KCNB2: variants seen among roughly 807,000 people sequenced by gnomAD.
KCNB2 encodes the protein potassium voltage-gated channel subfamily B member 2.
A neutral mutation model predicts 61.5 loss-of-function variants in KCNB2; 15 were observed. The ratio of observed to expected loss-of-function variants is 0.24; its 90% CI spans 0.16 to 0.38. The LOEUF (loss-of-function observed/expected upper bound fraction) is 0.38, where lower values mean the gene tolerates loss of function less well. KCNB2 is among the 10% of genes least tolerant of loss of function. The pLI is 1.00. For missense variants in KCNB2, 828 were observed against 1,125.2 expected, an observed-to-expected ratio of 0.74 and a Z score of 3.78; for synonymous variants, 457 against 446.0, an observed-to-expected ratio of 1.02 and a Z score of -0.31.
chr8:72,682,035 G>A (rs1376922880), intron 2 of KCNB2, among the ~76,000 whole-genome samples: 1 of 152,188 alleles, frequency 6.6e-6, no homozygotes, highest in Non-Finnish European at 1.5e-5. Flanking sequence ...TTCACAGACT[G>A]TAACAAGAAG....
chr8:72,596,997 CTTGCTTTTTTTTTTTTTTTTTTTTTT>C (rs1226473071), intron 2 of KCNB2, among the ~76,000 whole-genome samples: 3 of 96,496 alleles, frequency 3.1e-5, no homozygotes, highest in East Asian at 4.3e-4. Flanking sequence ...TGCTTGCTTG[CTTGCTTTTTTTTTTTTTTTTTTTTTT>C]TTTTTTTTTT....
chr8:72,817,450 G>A (rs1809419872), intron 2 of KCNB2, among the ~76,000 whole-genome samples: 1 of 152,104 alleles, frequency 6.6e-6, no homozygotes, highest in Non-Finnish European at 1.5e-5. Flanking sequence ...AATGGCTTTG[G>A]AGCAAGCAAA....
At chr8:72,628,400 GGTGTGT>G (rs1160601490) in intron 2 of KCNB2, among the ~76,000 whole-genome samples, 639 of 47,380 alleles carry the variant, frequency 0.013, 7 homozygotes, top group African/African-American at 0.038. Flanking sequence ...CCTGTTAGGG[GGTGTGT>G]GTGTGTGTGT....
At chr8:72,629,900 T>G (rs1006199386) in intron 2 of KCNB2, among the ~76,000 whole-genome samples, 10 of 152,190 alleles carry the variant, frequency 6.6e-5, no homozygotes, top group African/African-American at 2.4e-4. Context: ...GTCACATTTT[T>G]CAATGTTGCA....
At chr8:72,874,406 G>C (rs1483620261) in intron 2 of KCNB2, among the ~76,000 whole-genome samples, 2 of 152,244 alleles carry the variant, frequency 1.3e-5, no homozygotes, top group African/African-American at 4.8e-5. Flanking sequence ...TGGTGAGTGG[G>C]ATTCACCAGC....
At chr8:72,846,281 G>A (rs1267930900) in intron 2 of KCNB2, among the ~76,000 whole-genome samples, 2 of 152,110 alleles carry the variant, frequency 1.3e-5, no homozygotes, top group Non-Finnish European at 2.9e-5. Context: ...TGCACCCACT[G>A]TCTAACCACT....
chr8:72,631,398 C>A (rs924134328), intron 2 of KCNB2, among the ~76,000 whole-genome samples: 5 of 152,288 alleles, frequency 3.3e-5, no homozygotes, highest in Middle Eastern at 3.4e-3. Context: ...TGCTGGCAAT[C>A]CTTAACATTC....
At chr8:72,676,666 A>C (rs940299646) in intron 2 of KCNB2, among the ~76,000 whole-genome samples, 4 of 152,098 alleles carry the variant, frequency 2.6e-5, no homozygotes, top group African/African-American at 9.7e-5. Context: ...AGTATTAACT[A>C]TTAGCGGAAT....
At chr8:72,708,602 C>T (rs1284065433) in intron 2 of KCNB2, among the ~76,000 whole-genome samples, 1 of 152,186 alleles carries the variant, frequency 6.6e-6, no homozygotes, top group East Asian at 1.9e-4. Flanking sequence ...ATTATTCAGA[C>T]ATTTTACCCT....
At chr8:72,572,587 TCACACAGA>T (rs1371151938) in intron 2 of KCNB2, among the ~76,000 whole-genome samples, 1 of 151,044 alleles carries the variant, frequency 6.6e-6, no homozygotes, top group East Asian at 2.0e-4. Flanking sequence ...TCTCTCTCTC[TCACACAGA>T]CACACACAGA....
chr8:72,934,394 C>CAA (rs11392513), intron 2 of KCNB2, among the ~76,000 whole-genome samples: 9,635 of 83,414 alleles, frequency 0.12, 1,414 homozygotes, highest in East Asian at 0.72. Context: ...TCACCCCCCG[C>CAA]AAAAAAAAAA....
intron 1 of KCNB2, among the ~76,000 whole-genome samples, chr8:72,552,949 G>A (rs995682693): frequency 2.7e-5 from 4 of 150,790 alleles, no homozygotes; most frequent in Non-Finnish European, 5.9e-5. Flanking sequence ...CGTCTAAAAT[G>A]ACAAAGATAC....
chr8:72,713,950 C>T (rs1435187539), intron 2 of KCNB2, among the ~76,000 whole-genome samples: 1 of 152,114 alleles, frequency 6.6e-6, no homozygotes, highest in East Asian at 1.9e-4. Context: ...ATAACCAATG[C>T]AGAGAAGTCC....
chr8:72,800,295 A>G (rs1364048903), intron 2 of KCNB2, among the ~76,000 whole-genome samples: 1 of 152,198 alleles, frequency 6.6e-6, no homozygotes, highest in Non-Finnish European at 1.5e-5. Flanking sequence ...TCCTCCTTCA[A>G]GAAAACAGTC....
intron 2 of KCNB2, among the ~76,000 whole-genome samples, chr8:72,799,464 C>A (rs1432725536): frequency 1.3e-5 from 2 of 152,030 alleles, no homozygotes; most frequent in East Asian, 3.9e-4. Flanking sequence ...CTCCACAAAA[C>A]ATAGCGATAT....
At chr8:72,840,604 C>A (rs1407199868) in intron 2 of KCNB2, among the ~76,000 whole-genome samples, 1 of 152,218 alleles carries the variant, frequency 6.6e-6, no homozygotes, top group Non-Finnish European at 1.5e-5. Flanking sequence ...GCCATTCTAA[C>A]TGGTGTGAGA....
chr8:72,703,165 C>G (rs1807163170), intron 2 of KCNB2, among the ~76,000 whole-genome samples: 1 of 152,206 alleles, frequency 6.6e-6, no homozygotes, highest in Non-Finnish European at 1.5e-5. Context: ...GCCATTTTCT[C>G]CATAATTCTA....
intron 2 of KCNB2, among the ~76,000 whole-genome samples, chr8:72,911,815 G>A (rs551578636): frequency 1.3e-5 from 2 of 152,162 alleles, no homozygotes; most frequent in Non-Finnish European, 1.5e-5. Flanking sequence ...TAATCTCTTT[G>A]TGCCTCAGTT....
chr8:72,754,864 A>C (rs1404775023), intron 2 of KCNB2, among the ~76,000 whole-genome samples: 1 of 152,146 alleles, frequency 6.6e-6, no homozygotes, highest in African/African-American at 2.4e-5. Context: ...GAGGGAGCAG[A>C]ACTACCCACT....
Sources: allele counts gnomAD v4.1 joint callset (sites outside exome capture counted in the v4.1 genomes callset), GRCh38; gene constraint gnomAD v4.1.1; transcripts MANE v1.5; gene names NCBI Gene and HGNC (gene_info 2026-07-23, HGNC 2026-07-21).